Variants in MLLT1 observed in about 807,000 individuals in gnomAD.
MLLT1 encodes the protein protein ENL.
Under a neutral mutation model 55.1 loss-of-function variants are expected in MLLT1, and 11 were observed. The ratio of observed to expected loss-of-function variants is 0.20; its 90% CI spans 0.13 to 0.33. MLLT1 has a LOEUF of 0.33. Among genes scored for constraint, MLLT1 ranks in the 10% least tolerant of loss-of-function variants. The pLI, the probability that MLLT1 is intolerant of heterozygous loss-of-function variation, is 1.00. For missense variants in MLLT1, 536 were observed against 760.6 expected (o/e 0.70, Z 3.47); for synonymous variants, 323 against 320.1 (o/e 1.01, Z -0.10).
intron 3 of MLLT1, chr19:6,259,307 C>T (rs540083979): frequency 3.1e-4 from 47 of 152,376 alleles, no homozygotes; most frequent in Non-Finnish European, 6.0e-4. Flanking sequence ...AACCCATGCA[C>T]TATGACCCTG....
At chr19:6,213,701 C>T (rs2233197) in intron 10 of MLLT1, 25 bp downstream of exon 10, 51 of 1,594,620 alleles carry the variant, frequency 3.2e-5, no homozygotes, top group Non-Finnish European at 4.0e-5. Context: ...GTAGCCTCCC[C>T]GCCTTGTCGT....
intron 3 of MLLT1, among the ~76,000 whole-genome samples, chr19:6,238,584 T>A: frequency 6.6e-6 from 1 of 152,260 alleles, no homozygotes. Context: ...TAGATAAGCT[T>A]GGCTTGGCCC....
chr19:6,249,519 C>G (rs1351934599), intron 3 of MLLT1, among the ~76,000 whole-genome samples: 1 of 152,186 alleles, frequency 6.6e-6, no homozygotes, highest in Non-Finnish European at 1.5e-5. Context: ...CCAGCATGTC[C>G]TCCCAGCCCA....
rs115397388 is a variant in MLLT1 at position 6,241,938 on chromosome 19, C to T, written c.277-11225G>A. Among the ~76,000 whole-genome samples the T allele has an allele frequency of 8.7e-3, 1,328 of 152,312 alleles. 16 individuals carry two copies. Among genetic ancestry groups the T allele is most frequent in the African/African-American group, 0.031 (1,272 of 41,562 alleles). ...ACATCAACCGGCCGATTGTCCCTGG[C>T]GGAGCGCTCTATGGGCTCACCAGAG... On this transcript the variant is annotated intron_variant, in intron 3 of 11. Transcript: ENST00000252674.
At chr19:6,213,216 G>T in intron 11 of MLLT1, 46 bp from the exon 12 acceptor site, 1 of 1,613,070 alleles carries the variant, frequency 6.2e-7, no homozygotes, top group Non-Finnish European at 8.5e-7. Context: ...GGCCAAGGGT[G>T]GGGTTGCCCT....
intron 4 of MLLT1, among the ~76,000 whole-genome samples, chr19:6,228,838 A>G (rs1036120370): frequency 2.0e-5 from 3 of 151,834 alleles, no homozygotes; most frequent in African/African-American, 7.3e-5. Context: ...CAGACAGCCC[A>G]CCCTCAGAGG....
In MLLT1 at chr19:6,227,953, TAGA is replaced by T. The variant is rs2090970599; in HGVS notation, c.421-854_421-852del. ...TTCAAAAAAAAAGTATTGAAGTCGG[TAGA>T]AGAAGCACTGCTAACAGCCTTGAGC... On this transcript the variant is annotated intron_variant, in intron 4 of 11. Coordinates refer to ENST00000252674, the MANE Select transcript of MLLT1 (RefSeq NM_005934.4). The surrounding 1 kb of genome is among the most constrained non-coding windows in gnomAD (Gnocchi z 5.1). 6.6e-6 allele frequency among the ~76,000 whole-genome samples: 1 copy of T among 152,104 alleles called. No homozygotes were observed. Among genetic ancestry groups the T allele is most frequent in the Admixed American group, 6.6e-5 (1 of 15,266 alleles).
chr19:6,238,904 T>C (rs915385617), intron 3 of MLLT1, among the ~76,000 whole-genome samples: 2 of 152,370 alleles, frequency 1.3e-5, no homozygotes, highest in South Asian at 2.1e-4. Context: ...ACCTTGGAAC[T>C]AGGCAGCGAG....
chr19:6,214,406 T>C (rs1278656125), intron 8 of MLLT1, among the ~76,000 whole-genome samples: 1 of 152,072 alleles, frequency 6.6e-6, no homozygotes, highest in Non-Finnish European at 1.5e-5. Flanking sequence ...CCTGCCCTCT[T>C]CTCCCAGCAC....
At position 6,273,122 on chromosome 19, in the gene MLLT1, C is replaced by G. The variant is rs949639244; in HGVS notation, c.13-2363G>C. Among the ~76,000 whole-genome samples, 2 of 151,944 alleles carry G rather than the reference C, an allele frequency of 1.3e-5. No homozygotes were observed. Among genetic ancestry groups the G allele is most frequent in the African/African-American group, 4.8e-5 (2 of 41,340 alleles). On this transcript the variant is annotated intron_variant, in intron 1 of 11. Transcript: ENST00000252674. This position sits in a 1 kb window ranked among gnomAD's most constrained non-coding sequence, Gnocchi z 4.3. The stretch of plus-strand genomic sequence containing the variant: ...CAGGCCGGAGACAAAAGAAATAACC[C>G]GTCGTCATAAGTGGCTGACAGATAT...
chr19:6,225,501 C>T (rs1044457595), intron 5 of MLLT1, among the ~76,000 whole-genome samples: 5 of 152,232 alleles, frequency 3.3e-5, no homozygotes, highest in Non-Finnish European at 7.3e-5. Context: ...ACAGCTCATT[C>T]GCCAGGCTAG....
At chr19:6,253,618 T>C (rs764427786) in intron 3 of MLLT1, among the ~76,000 whole-genome samples, 1 of 152,098 alleles carries the variant, frequency 6.6e-6, no homozygotes, top group Non-Finnish European at 1.5e-5. Flanking sequence ...CTAAAAAGAT[T>C]ATATACCATA....
chr19:6,213,837 C>A, intron 9 of MLLT1, 40 bp from the exon 10 acceptor site: 16 of 1,603,682 alleles, frequency 1.0e-5, no homozygotes, highest in South Asian at 4.4e-5. Context: ...GTGGCCCACA[C>A]CCTCCCCAGC....
chr19:6,229,576 G>A lies in MLLT1; in HGVS notation c.420+994C>T, dbSNP rs374994685. ...CCCCATAACACACGTCACACCATACGTGCGTGACACACCACACACTTCCCG... is the reference window on the plus strand; with the variant it reads ...CCCCATAACACACGTCACACCATACATGCGTGACACACCACACACTTCCCG... On this transcript the variant is annotated intron_variant, in intron 4 of 11. Coordinates refer to ENST00000252674, the MANE Select transcript of MLLT1 (RefSeq NM_005934.4). This position sits in a 1 kb window ranked among gnomAD's most constrained non-coding sequence, Gnocchi z 5.2. Among the ~76,000 whole-genome samples the A allele has an allele frequency of 7.3e-5, 11 of 150,852 alleles. No homozygotes were observed. Among genetic ancestry groups the A allele is most frequent in the Non-Finnish European group, 1.3e-4 (9 of 67,820 alleles).
chr19:6,269,580 T>A (rs2091378428), intron 2 of MLLT1, among the ~76,000 whole-genome samples: 2 of 152,248 alleles, frequency 1.3e-5, no homozygotes, highest in South Asian at 2.1e-4. Context: ...TCAACGCCCA[T>A]CACTTCCCCA....
intron 4 of MLLT1, among the ~76,000 whole-genome samples, chr19:6,228,665 G>C (rs575799362): frequency 6.6e-6 from 1 of 152,154 alleles, no homozygotes; most frequent in Admixed American, 6.5e-5. Context: ...CACCCACGGC[G>C]GGGGGCTGGG....
Position 6,210,736 on chromosome 19 carries a change from A to G in MLLT1, c.*2306T>C. 4.4e-6 allele frequency: 1 copy of G among 229,530 alleles called. No homozygotes were observed. Among genetic ancestry groups the G allele is most frequent in the Non-Finnish European group, 8.6e-6 (1 of 115,820 alleles). 14.2% of individuals were successfully genotyped at this position (229,530 alleles called of 1,614,324 possible). On this transcript the variant is annotated 3_prime_UTR_variant, in exon 12 of 12. Coordinates refer to ENST00000252674, the MANE Select transcript of MLLT1 (RefSeq NM_005934.4). This position sits in a 1 kb window ranked among gnomAD's most constrained non-coding sequence, Gnocchi z 4.6. Reference sequence around the variant, plus strand: ...TCACAAAGTGCCAGGCCCCTTTCCTATGGAAGTGTCCCCAGAGCCCTCGTG... The same window carrying G: ...TCACAAAGTGCCAGGCCCCTTTCCTGTGGAAGTGTCCCCAGAGCCCTCGTG...
chr19:6,274,379 C>G (rs767050682), intron 1 of MLLT1, among the ~76,000 whole-genome samples: 2 of 152,190 alleles, frequency 1.3e-5, no homozygotes, highest in Admixed American at 6.5e-5. Flanking sequence ...GGTAACCACC[C>G]CCCTTCCCCC....
At chr19:6,233,985 G>C (rs1288362871) in intron 3 of MLLT1, among the ~76,000 whole-genome samples, 1 of 151,320 alleles carries the variant, frequency 6.6e-6, no homozygotes, top group African/African-American at 2.4e-5. Flanking sequence ...AGCTGGCCTA[G>C]TTCCAAGTGA....
Sources: gnomAD v4.1 joint callset for allele counts (sites outside exome capture counted in the v4.1 genomes callset) on GRCh38, gnomAD v4.1.1 for gene constraint, Gnocchi (gnomAD v3.1) non-coding constraint, MANE v1.5 for transcripts, NCBI Gene and HGNC (gene_info 2026-07-23, HGNC 2026-07-21) for gene names.